The following DLGAP1 variants were observed in gnomAD, a reference collection of about 807,000 sequenced individuals.
DLGAP1 encodes the protein disks large-associated protein 1.
DLGAP1 carries 11 observed loss-of-function variants against 90.8 expected under a neutral mutation model. The observed-to-expected ratio is 0.12, with a 90% CI of 0.08 to 0.20. The LOEUF is 0.20. Among genes scored for constraint, DLGAP1 ranks in the 10% least tolerant of loss-of-function variants. The pLI is 1.00. For synonymous variants in DLGAP1, 558 were observed against 540.7 expected (o/e 1.03, Z -0.44); for missense variants, 1,050 against 1,333.8 (o/e 0.79, Z 3.31).
chr18:3,792,744 C>G (rs541456507), intron 5 of DLGAP1, among the ~76,000 whole-genome samples: 39 of 152,284 alleles, frequency 2.6e-4, no homozygotes, highest in Admixed American at 2.0e-4. Flanking sequence ...CCAGATTGAG[C>G]CTGTGTTAGC....
chr18:3,638,596 A>G (rs1467662785), intron 7 of DLGAP1, among the ~76,000 whole-genome samples: 1 of 152,134 alleles, frequency 6.6e-6, no homozygotes, highest in Non-Finnish European at 1.5e-5. Flanking sequence ...TTCTTCCCTC[A>G]GTCACATTAA....
At chr18:4,368,682 C>T (rs1286873171) in intron 1 of DLGAP1, among the ~76,000 whole-genome samples, 4 of 125,896 alleles carry the variant, frequency 3.2e-5, no homozygotes, top group African/African-American at 1.2e-4. Context: ...CACACACACA[C>T]ATCCTATTGG....
chr18:3,967,878 A>G (rs930561241), intron 3 of DLGAP1, among the ~76,000 whole-genome samples: 74 of 152,180 alleles, frequency 4.9e-4, no homozygotes, highest in Admixed American at 4.8e-3. Context: ...CATATAGGAT[A>G]AATGTGTGCC....
intron 4 of DLGAP1, among the ~76,000 whole-genome samples, chr18:3,820,229 G>A (rs146139323): frequency 1.1e-3 from 172 of 152,308 alleles, no homozygotes; most frequent in African/African-American, 3.8e-3. Flanking sequence ...AAGGAATGAA[G>A]ACACTTAGAA....
At chr18:4,405,154 T>C (rs2082636613) in intron 1 of DLGAP1, among the ~76,000 whole-genome samples, 1 of 152,196 alleles carries the variant, frequency 6.6e-6, no homozygotes, top group African/African-American at 2.4e-5. Flanking sequence ...GGATTTTTCT[T>C]GCAATTATAA....
chr18:3,510,193 T>A (rs1031200301), intron 10 of DLGAP1, among the ~76,000 whole-genome samples: 12 of 152,238 alleles, frequency 7.9e-5, no homozygotes, highest in Non-Finnish European at 1.8e-4. Context: ...GCCAGAGTCC[T>A]CAATAGCTAC....
chr18:3,547,762 A>G (rs1180841822), intron 9 of DLGAP1, among the ~76,000 whole-genome samples: 1 of 151,626 alleles, frequency 6.6e-6, no homozygotes, highest in Non-Finnish European at 1.5e-5. Flanking sequence ...AATTTAAAAC[A>G]GATGTTCAAA....
intron 2 of DLGAP1, among the ~76,000 whole-genome samples, chr18:4,064,341 T>G (rs759757686): frequency 7.2e-5 from 11 of 151,806 alleles, no homozygotes; most frequent in Non-Finnish European, 1.2e-4. Context: ...AAAGTTAATT[T>G]GAAAAACTAG....
intron 1 of DLGAP1, chr18:4,248,813 G>A (rs1369637885): frequency 6.6e-6 from 1 of 152,352 alleles, no homozygotes; most frequent in African/African-American, 2.4e-5. Context: ...GTTCCTCAGA[G>A]TAAGGCCTAA....
intron 7 of DLGAP1, among the ~76,000 whole-genome samples, chr18:3,647,523 T>C (rs915619683): frequency 2.6e-5 from 4 of 151,590 alleles, no homozygotes; most frequent in Non-Finnish European, 5.9e-5. Flanking sequence ...TGAAGTGTAA[T>C]GGCACGATCT....
At chr18:4,018,865 G>A (rs901310377) in intron 2 of DLGAP1, among the ~76,000 whole-genome samples, 6 of 152,218 alleles carry the variant, frequency 3.9e-5, no homozygotes, top group Non-Finnish European at 8.8e-5. Context: ...AAGGTACTCC[G>A]ATTTGGGGGG....
Position 3,884,355 on chromosome 18 carries a change from A to T in DLGAP1, c.-72-4215T>A, listed in dbSNP as rs117972390. On this transcript the variant is annotated intron_variant, in intron 3 of 12. Transcript: ENST00000315677. ...GACACATACTAACTTTTATGATCAC[A>T]TATAGTAGAATCTCAATATATAAAA... 5.4e-3 allele frequency among the ~76,000 whole-genome samples: 826 copies of T among 152,334 alleles called. 17 individuals are homozygous for T. In the East Asian group the frequency reaches 0.055, roughly 10 times the overall value.
chr18:4,232,792 G>A (rs2078328071), intron 1 of DLGAP1, among the ~76,000 whole-genome samples: 1 of 152,264 alleles, frequency 6.6e-6, no homozygotes, highest in Admixed American at 6.5e-5. Context: ...CCGCATGAAA[G>A]CTAGCTTTCC....
chr18:3,750,761 C>T (rs986455614), intron 5 of DLGAP1, among the ~76,000 whole-genome samples: 11 of 152,170 alleles, frequency 7.2e-5, no homozygotes, highest in African/African-American at 2.7e-4. Context: ...TGCTGTTTCC[C>T]CACGTGATCA....
At chr18:4,372,781 A>G (rs2081943021) in intron 1 of DLGAP1, among the ~76,000 whole-genome samples, 1 of 152,012 alleles carries the variant, frequency 6.6e-6, no homozygotes, top group Non-Finnish European at 1.5e-5. Context: ...ACAAAAAATT[A>G]GCCAGGCGTG....
intron 1 of DLGAP1, among the ~76,000 whole-genome samples, chr18:4,250,673 AG>A (rs1431767462): frequency 6.6e-6 from 1 of 152,202 alleles, no homozygotes; most frequent in Admixed American, 6.5e-5. Context: ...CATGGAGAAA[AG>A]CTGAGTCTTG....
intron 3 of DLGAP1, among the ~76,000 whole-genome samples, chr18:3,945,841 T>G (rs2148956132): frequency 6.6e-6 from 1 of 151,902 alleles, no homozygotes; most frequent in African/African-American, 2.4e-5. Context: ...AATAATGGGG[T>G]TTCCTTTAAA....
At chr18:3,980,760 T>C (rs2073710251) in intron 3 of DLGAP1, among the ~76,000 whole-genome samples, 1 of 152,236 alleles carries the variant, frequency 6.6e-6, no homozygotes, top group Non-Finnish European at 1.5e-5. Context: ...GAAAAATAAA[T>C]ATTGTATATA....
intron 4 of DLGAP1, among the ~76,000 whole-genome samples, chr18:3,858,511 T>G: frequency 6.8e-6 from 1 of 148,092 alleles, no homozygotes; most frequent in South Asian, 2.1e-4. Context: ...TACATATATA[T>G]ACACGTATAT....
Sources: allele counts gnomAD v4.1 joint callset (sites outside exome capture counted in the v4.1 genomes callset), GRCh38; gene constraint gnomAD v4.1.1; transcripts MANE v1.5; gene names NCBI Gene and HGNC (gene_info 2026-07-23, HGNC 2026-07-21).